The following NKAIN3 variants were observed in gnomAD, a reference collection of about 807,000 sequenced individuals.
NKAIN3 encodes the protein sodium/potassium transporting ATPase interacting 3.
A neutral mutation model predicts 30.2 loss-of-function variants in NKAIN3; 25 were observed. The observed-to-expected ratio is 0.83, with a 90% CI of 0.60 to 1.16. NKAIN3 has a LOEUF of 1.16. Among genes scored for constraint, NKAIN3 ranks in the 50% most tolerant of loss-of-function variants. The probability of loss-of-function intolerance (pLI) is 0.00; values close to 1 mark genes in which losing one functional copy is unlikely to be tolerated. For synonymous variants in NKAIN3, 91 were observed against 89.6 expected (o/e 1.02, Z -0.09); for missense variants, 225 against 254.1 (o/e 0.89, Z 0.78).
chr8:62,674,443 C>G (rs1170487507), intron 3 of NKAIN3, among the ~76,000 whole-genome samples: 1 of 152,206 alleles, frequency 6.6e-6, no homozygotes, highest in Non-Finnish European at 1.5e-5. Context: ...ACTCCCTCTA[C>G]TAATGAAGCT....
chr8:62,284,908 G>A (rs893176907), intron 1 of NKAIN3, among the ~76,000 whole-genome samples: 9 of 152,104 alleles, frequency 5.9e-5, no homozygotes, highest in Non-Finnish European at 1.0e-4. Flanking sequence ...GTTCAGACAT[G>A]CACCTGTGAG....
rs895686260 is a variant in NKAIN3, at chr8:62,974,860, T to C, written c.*9453T>C. Among the ~76,000 whole-genome samples the C allele has an allele frequency of 5.9e-5, 9 of 152,238 alleles. No homozygotes were observed. Among genetic ancestry groups the C allele is most frequent in the African/African-American group, 1.7e-4 (7 of 41,460 alleles). Reference sequence around the variant, plus strand: ...ATCAATACCTAGTTTATTGAGTGTTTTTAGCATGAAGGAGGGTTGAATTTT... The same window carrying C: ...ATCAATACCTAGTTTATTGAGTGTTCTTAGCATGAAGGAGGGTTGAATTTT... On this transcript the variant is annotated 3_prime_UTR_variant, in exon 7 of 7. Transcript: ENST00000623646.
intron 3 of NKAIN3, among the ~76,000 whole-genome samples, chr8:62,686,600 A>C (rs1813807900): frequency 6.6e-6 from 1 of 152,220 alleles, no homozygotes; most frequent in Non-Finnish European, 1.5e-5. Flanking sequence ...ATTTAACACT[A>C]GAATAATTAA....
Position 62,807,556 on chromosome 8 carries a change from G to GTTT in NKAIN3, c.471+60440_471+60442dup, listed in dbSNP as rs11482643. ...ATCTTTCAATAGTTATTCTTTTCTG[G>GTTT]TTTTTTTTTTTTTTTGAGACAATGT... On this transcript the variant is annotated intron_variant, in intron 4 of 6. Transcript: ENST00000623646. Among the ~76,000 whole-genome samples, 264 of 134,270 alleles carry GTTT rather than the reference G, an allele frequency of 2.0e-3. 3 individuals carry two copies. The highest frequency in any genetic ancestry group is 2.8e-3 in the East Asian group (13 of 4,662). The allele number at this position is 134,270 out of a possible 152,430, so 88.1% of individuals were successfully genotyped here.
chr8:62,757,424 G>A (rs908130807), intron 4 of NKAIN3, among the ~76,000 whole-genome samples: 11 of 152,102 alleles, frequency 7.2e-5, no homozygotes, highest in Non-Finnish European at 1.2e-4. Context: ...ATATTCAGAA[G>A]CCCCTACTCT....
intron 1 of NKAIN3, among the ~76,000 whole-genome samples, chr8:62,448,955 A>T (rs181675402): frequency 1.4e-4 from 21 of 152,084 alleles, no homozygotes; most frequent in Non-Finnish European, 2.5e-4. Context: ...TATTGAAGGA[A>T]AAAATGTTAT....
chr8:62,336,095 A>C (rs1815542970), intron 1 of NKAIN3, among the ~76,000 whole-genome samples: 1 of 152,082 alleles, frequency 6.6e-6, no homozygotes, highest in Admixed American at 6.6e-5. Flanking sequence ...TACAAGTAGC[A>C]GCAGCCTGGA....
chr8:62,714,874 G>T (rs1814840880), intron 3 of NKAIN3, among the ~76,000 whole-genome samples: 1 of 152,154 alleles, frequency 6.6e-6, no homozygotes, highest in African/African-American at 2.4e-5. Context: ...GACACAAAAT[G>T]CCTCCAACAT....
rs73684987 is a variant in NKAIN3 at position 62,408,602 on chromosome 8, T to G, written c.54+159475T>G. On this transcript the variant is annotated intron_variant, in intron 1 of 6. Coordinates refer to ENST00000623646, the MANE Select transcript of NKAIN3 (RefSeq NM_001304533.3). ...AGACATTTATTTTTTTCTCACTTAG[T>G]GGTTTAGAGGAAGTAGAGGTGATTC... Among the ~76,000 whole-genome samples the G allele has an allele frequency of 5.1e-3, 782 of 152,332 alleles. 5 individuals are homozygous for G. The highest frequency in any genetic ancestry group is 0.018 in the African/African-American group (737 of 41,572).
At chr8:62,409,338 C>A (rs11989601) in intron 1 of NKAIN3, among the ~76,000 whole-genome samples, 63,512 of 151,910 alleles carry the variant, frequency 0.42, 15,513 homozygotes, top group Non-Finnish European at 0.54. Context: ...GCATACATCA[C>A]CACAACCAGC....
intron 1 of NKAIN3, among the ~76,000 whole-genome samples, chr8:62,345,050 T>C (rs1321458855): frequency 6.6e-6 from 1 of 151,986 alleles, no homozygotes; most frequent in African/African-American, 2.4e-5. Flanking sequence ...AGTTGTTTTA[T>C]TTTATTTTTT....
At chr8:62,771,472 T>A (rs969305467) in intron 4 of NKAIN3, among the ~76,000 whole-genome samples, 1 of 151,978 alleles carries the variant, frequency 6.6e-6, no homozygotes, top group Non-Finnish European at 1.5e-5. Flanking sequence ...ATTATTCAAT[T>A]TGATGAAAAA....
In NKAIN3 at chr8:62,360,459, G is replaced by A. The variant is rs575174067; in HGVS notation, c.54+111332G>A. Among the ~76,000 whole-genome samples, 71 of 152,304 alleles carry A rather than the reference G, an allele frequency of 4.7e-4. No homozygotes were observed. The South Asian group carries it at 0.015, about 31-fold the overall frequency. On this transcript the variant is annotated intron_variant, in intron 1 of 6. Coordinates refer to ENST00000623646, the MANE Select transcript of NKAIN3 (RefSeq NM_001304533.3). ...ATCTTCACTGTCCTCTTAATGAAGT[G>A]TAATGCAAGTAGCTAACATGTTTAG...
chr8:62,612,437 G>T (rs573162492), intron 3 of NKAIN3, among the ~76,000 whole-genome samples: 6 of 151,274 alleles, frequency 4.0e-5, no homozygotes, highest in African/African-American at 1.5e-4. Flanking sequence ...AATGACTCCT[G>T]TTCTTTTTTG....
At chr8:62,403,024 G>A (rs1369245824) in intron 1 of NKAIN3, among the ~76,000 whole-genome samples, 2 of 152,202 alleles carry the variant, frequency 1.3e-5, no homozygotes, top group African/African-American at 4.8e-5. Context: ...AATGCTGATA[G>A]TGATATGGAC....
chr8:62,279,708 G>C (rs1813103676), intron 1 of NKAIN3, among the ~76,000 whole-genome samples: 2 of 152,078 alleles, frequency 1.3e-5, no homozygotes, highest in South Asian at 2.1e-4. Flanking sequence ...ATTTCTGAGA[G>C]CTCTGTTCTG....
chr8:62,870,892 T>TACTCA (rs1820621519), intron 4 of NKAIN3, among the ~76,000 whole-genome samples: 2 of 149,642 alleles, frequency 1.3e-5, no homozygotes, highest in African/African-American at 4.9e-5. Context: ...TGAAGCCGTC[T>TACTCA]TACTGTTTAG....
intron 1 of NKAIN3, among the ~76,000 whole-genome samples, chr8:62,265,309 A>C (rs866366787): frequency 4.6e-5 from 7 of 152,206 alleles, no homozygotes; most frequent in Admixed American, 2.6e-4. Context: ...GCATAATCAA[A>C]TTCTGTAAAC....
chr8:62,955,106 G>C (rs1807739782), intron 6 of NKAIN3, among the ~76,000 whole-genome samples: 1 of 152,166 alleles, frequency 6.6e-6, no homozygotes, highest in Admixed American at 6.5e-5. Flanking sequence ...TTGAAGATCT[G>C]AGAAGGCTAC....
Sources: gnomAD v4.1 joint callset for allele counts (sites outside exome capture counted in the v4.1 genomes callset) on GRCh38, gnomAD v4.1.1 for gene constraint, MANE v1.5 for transcripts, NCBI Gene and HGNC (gene_info 2026-07-23, HGNC 2026-07-21) for gene names.